Variants in FMNL2 observed in about 807,000 individuals in gnomAD.
The protein encoded by FMNL2 is formin-like protein 2.
A neutral mutation model predicts 130.2 loss-of-function variants in FMNL2; 51 were observed. That is an observed-to-expected ratio of 0.39 (90% CI 0.31 to 0.49). The LOEUF (loss-of-function observed/expected upper bound fraction) is 0.49, where lower values mean the gene tolerates loss of function less well. Ranked by LOEUF, FMNL2 falls within the 20% of genes least tolerant of loss-of-function variation. The pLI, the probability that FMNL2 is intolerant of heterozygous loss-of-function variation, is 0.85. For missense variants in FMNL2, 977 were observed against 1,316.2 expected, an observed-to-expected ratio of 0.74 and a Z score of 3.99; for synonymous variants, 465 against 467.1, an observed-to-expected ratio of 1.00 and a Z score of 0.06.
chr2:152,395,499 G>A (rs139764473), intron 1 of FMNL2, among the ~76,000 whole-genome samples: 203 of 152,280 alleles, frequency 1.3e-3, no homozygotes, highest in African/African-American at 4.7e-3. Context: ...CTCCACAATG[G>A]TTCTCAGCTA....
intron 1 of FMNL2, among the ~76,000 whole-genome samples, chr2:152,393,912 T>G (rs1685253796): frequency 6.6e-6 from 1 of 152,220 alleles, no homozygotes; most frequent in South Asian, 2.1e-4. Context: ...TTATATAGTT[T>G]TTTATATGCC....
intron 1 of FMNL2, among the ~76,000 whole-genome samples, chr2:152,350,884 T>C (rs1171216922): frequency 6.6e-6 from 1 of 151,846 alleles, no homozygotes; most frequent in Non-Finnish European, 1.5e-5. Flanking sequence ...GTCTCTATTA[T>C]AAATACAAAA....
chr2:152,617,176 A>T lies in FMNL2; in HGVS notation c.1298A>T (p.Glu433Val). 6.2e-7 allele frequency: 1 copy of T among 1,613,968 alleles called. No individual in the cohort carries two copies. The highest frequency in any genetic ancestry group is 8.5e-7 in the Non-Finnish European group (1 of 1,179,854). Residue 433 changes from glutamate (E) to valine (V), a missense_variant, in exon 13 of 26, where the codon GAG becomes GTG. Physicochemically the swap from Glu to Val is moderately radical, Grantham distance 121 (BLOSUM62 -2). Around this residue, in one of 4 missense-constraint regions of FMNL2, gnomAD observed 689 missense variants for 995.9 expected, o/e 0.69. Coordinates refer to ENST00000288670, the MANE Select transcript of FMNL2 (RefSeq NM_052905.4). ...AAGCAACTCATGCAGAGGAACAAGG[A>T]GCTGGATGTCGTTCGGGTAAGTGTA... The part of the protein sequence containing the change: ...LEKQLMQRNK[E>V]LDVVREIYKD...
chr2:152,337,455 A>G (rs2105710039), intron 1 of FMNL2, among the ~76,000 whole-genome samples: 1 of 151,786 alleles, frequency 6.6e-6, no homozygotes, highest in South Asian at 2.1e-4. Flanking sequence ...AGCCAGTGAC[A>G]CAGGGAAACC....
At chr2:152,527,206 T>C (rs1693436689) in intron 2 of FMNL2, among the ~76,000 whole-genome samples, 1 of 152,216 alleles carries the variant, frequency 6.6e-6, no homozygotes, top group South Asian at 2.1e-4. Context: ...CATTACAGAT[T>C]GATGTTGAAC....
At chr2:152,497,077 A>G (rs74496702) in intron 1 of FMNL2, among the ~76,000 whole-genome samples, 11,119 of 152,212 alleles carry the variant, frequency 0.073, 652 homozygotes, top group Admixed American at 0.21. Flanking sequence ...GCTAGGAAGT[A>G]TATGTGTATA....
In FMNL2 at chr2:152,619,152, G is replaced by A. The variant is rs1462030153; in HGVS notation, c.1621G>A (p.Glu541Lys). The A allele has an allele frequency of 6.4e-7, 1 of 1,557,152 alleles. No homozygotes were observed. Among genetic ancestry groups the A allele is most frequent in the African/African-American group, 1.4e-5 (1 of 72,424 alleles). The change falls in exon 14 of 26, where the codon GAA (glutamate) becomes AAA (lysine). Residue 541 changes from glutamate (E) to lysine (K), a missense_variant. Glu to Lys is a moderately conservative substitution (Grantham distance 56). Coordinates refer to ENST00000288670, the MANE Select transcript of FMNL2 (RefSeq NM_052905.4). ...PPLPPSSDTPETVQNGPVTPP... is the reference protein window; with the variant it reads ...PPLPPSSDTPKTVQNGPVTPP... ...ACTGCCTCCCTCATCAGACACACCTGAAACAGGTAAGAAGCCTTGGCAGGA... is the reference window on the plus strand; with the variant it reads ...ACTGCCTCCCTCATCAGACACACCTAAAACAGGTAAGAAGCCTTGGCAGGA...
intron 15 of FMNL2, among the ~76,000 whole-genome samples, chr2:152,623,639 T>C (rs1197304394): frequency 6.6e-6 from 1 of 152,140 alleles, no homozygotes; most frequent in Non-Finnish European, 1.5e-5. Context: ...TTTTATTTTG[T>C]TCTGCACTGA....
In FMNL2 at chr2:152,575,192, A is replaced by C; in HGVS notation, c.653A>C (p.Lys218Thr). ...AAAAATTCAAGATTAGTGAGTAAGA[A>C]AGATGATGTGCATGTCTGTATCATG... is the stretch of plus-strand genomic sequence containing the variant. ...TLKNSRLVSKKDDVHVCIMCL... is the reference protein window; with the variant it reads ...TLKNSRLVSKTDDVHVCIMCL... The change falls in exon 7 of 26, where the codon AAA becomes ACA. Residue 218 changes from lysine to threonine, a missense_variant. This residue lies in a region of FMNL2 where 689 missense variants were observed against 995.9 expected (regional missense o/e 0.69). Transcript: ENST00000288670. 1 of 1,608,384 alleles carries C rather than the reference A, an allele frequency of 6.2e-7. No homozygotes were observed. Among genetic ancestry groups the C allele is most frequent in the Non-Finnish European group, 8.5e-7 (1 of 1,177,090 alleles).
rs144135531 is a variant in FMNL2 at position 152,495,083 on chromosome 2, T to C, written c.118-26860T>C. ...GGAAACGCAGCGTTGGAACACCCGA[T>C]TTGTCTATGATGCTTGCTTACTACT... On this transcript the variant is annotated intron_variant, in intron 1 of 25. Transcript: ENST00000288670. 1.9e-3 allele frequency among the ~76,000 whole-genome samples: 283 copies of C among 152,260 alleles called. 1 individual carries two copies. Among genetic ancestry groups the C allele is most frequent in the African/African-American group, 6.4e-3 (266 of 41,560 alleles).
chr2:152,641,890 T>C (rs954596243), intron 25 of FMNL2, among the ~76,000 whole-genome samples: 10 of 152,166 alleles, frequency 6.6e-5, no homozygotes, highest in Admixed American at 2.0e-4. Context: ...TTAGTTCACA[T>C]TTCCCCAACT....
intron 1 of FMNL2, among the ~76,000 whole-genome samples, chr2:152,493,191 A>G (rs1691311491): frequency 6.6e-6 from 1 of 152,248 alleles, no homozygotes; most frequent in Non-Finnish European, 1.5e-5. Flanking sequence ...TTCTTATGCA[A>G]TTATGGAAAA....
intron 1 of FMNL2, among the ~76,000 whole-genome samples, chr2:152,349,489 G>A (rs1682347734): frequency 6.6e-6 from 1 of 152,188 alleles, no homozygotes; most frequent in South Asian, 2.1e-4. Context: ...ACACTATTAT[G>A]TTTTCTGAGT....
intron 1 of FMNL2, among the ~76,000 whole-genome samples, chr2:152,393,378 T>C (rs1202960828): frequency 6.6e-6 from 1 of 152,238 alleles, no homozygotes; most frequent in Admixed American, 6.5e-5. Flanking sequence ...ATAATAAATG[T>C]CTTTATTTAT....
chr2:152,353,751 T>C (rs1579457929), intron 1 of FMNL2, among the ~76,000 whole-genome samples: 1 of 152,220 alleles, frequency 6.6e-6, no homozygotes, highest in African/African-American at 2.4e-5. Flanking sequence ...GAAGTGGTTG[T>C]TCTGATTATT....
chr2:152,461,370 A>G (rs1689237808), intron 1 of FMNL2, among the ~76,000 whole-genome samples: 1 of 151,670 alleles, frequency 6.6e-6, no homozygotes, highest in African/African-American at 2.4e-5. Flanking sequence ...TTTTTTAAAC[A>G]TATGAAGTCT....
chr2:152,474,062 A>C (rs1690002412), intron 1 of FMNL2, among the ~76,000 whole-genome samples: 1 of 151,938 alleles, frequency 6.6e-6, no homozygotes, highest in Non-Finnish European at 1.5e-5. Flanking sequence ...TTTTTAGTAG[A>C]GATAGCGTTT....
At chr2:152,409,941 A>G (rs557980052) in intron 1 of FMNL2, among the ~76,000 whole-genome samples, 3 of 152,352 alleles carry the variant, frequency 2.0e-5, no homozygotes, top group Admixed American at 1.3e-4. Context: ...GGCAGAAACA[A>G]TAATAGCTTA....
intron 1 of FMNL2, among the ~76,000 whole-genome samples, chr2:152,491,133 A>G (rs983370194): frequency 2.0e-5 from 3 of 152,126 alleles, no homozygotes; most frequent in African/African-American, 7.2e-5. Context: ...TAATGAATGT[A>G]TCCTCTCCCC....
Sources: allele counts gnomAD v4.1 joint callset (sites outside exome capture counted in the v4.1 genomes callset), GRCh38; gene constraint gnomAD v4.1.1; regional missense constraint gnomAD v4.1.1; transcripts MANE v1.5; gene names NCBI Gene and HGNC (gene_info 2026-07-23, HGNC 2026-07-21).